SLIT3: variants seen among roughly 807,000 people sequenced by gnomAD.
SLIT3 encodes the protein slit homolog 3 protein.
Under a neutral mutation model 184.0 loss-of-function variants are expected in SLIT3, and 68 were observed. The ratio of observed to expected loss-of-function variants is 0.37; its 90% CI spans 0.30 to 0.45. The LOEUF (loss-of-function observed/expected upper bound fraction) is 0.45, where lower values mean the gene tolerates loss of function less well. SLIT3 is among the 20% of genes least tolerant of loss of function. The pLI, the probability that SLIT3 is intolerant of heterozygous loss-of-function variation, is 1.00. For missense variants in SLIT3, 1,707 were observed against 2,026.0 expected, an observed-to-expected ratio of 0.84 and a Z score of 3.02; for synonymous variants, 831 against 828.6, an observed-to-expected ratio of 1.00 and a Z score of -0.05.
intron 1 of SLIT3, among the ~76,000 whole-genome samples, chr5:169,290,215 A>G (rs1274328776): frequency 6.6e-6 from 1 of 151,376 alleles, no homozygotes; most frequent in Admixed American, 6.6e-5. Context: ...GCTAGGGCAC[A>G]CGCTAGGGTG....
intron 20 of SLIT3, among the ~76,000 whole-genome samples, chr5:168,735,727 T>C (rs1482060973): frequency 6.7e-6 from 1 of 149,676 alleles, no homozygotes; most frequent in African/African-American, 2.5e-5. Flanking sequence ...ATAATACACA[T>C]AGCTTATTGA....
chr5:168,687,202 C>T, intron 29 of SLIT3, 86 bp from the exon 30 acceptor site: 1 of 1,453,392 alleles, frequency 6.9e-7, no homozygotes, highest in Non-Finnish European at 9.5e-7. Flanking sequence ...AGCAGGTGGC[C>T]TCTCCCCATC....
At chr5:169,247,598 A>T (rs1368177218) in intron 2 of SLIT3, among the ~76,000 whole-genome samples, 4 of 152,200 alleles carry the variant, frequency 2.6e-5, no homozygotes, top group African/African-American at 7.2e-5. Flanking sequence ...GGATATCTAT[A>T]TGAGATACAC....
chr5:168,749,980 C>A (rs771688012), intron 18 of SLIT3, among the ~76,000 whole-genome samples: 8 of 152,168 alleles, frequency 5.3e-5, no homozygotes, highest in Non-Finnish European at 8.8e-5. Context: ...TCTTCTCATT[C>A]TTTAGTCCTT....
chr5:168,678,934 G>C (rs2113204398), intron 32 of SLIT3, among the ~76,000 whole-genome samples: 1 of 152,346 alleles, frequency 6.6e-6, no homozygotes, highest in African/African-American at 2.4e-5. Flanking sequence ...TACTGGGCCA[G>C]ACTGAACTGG....
At chr5:169,113,301 C>T (rs1456123701) in intron 4 of SLIT3, among the ~76,000 whole-genome samples, 1 of 152,184 alleles carries the variant, frequency 6.6e-6, no homozygotes, top group African/African-American at 2.4e-5. Flanking sequence ...AGGTACCTCA[C>T]ATAAACGGAA....
rs565334364 is a variant in SLIT3, at chr5:168,823,970, C to T, written c.558-639G>A. ...CACATCTAATCTTTTTATTTTGAGA[C>T]GGGGTTTCGCTCTTGTCACCCAGGC... On this transcript the variant is annotated intron_variant, in intron 6 of 35. Transcript: ENST00000519560. Among the ~76,000 whole-genome samples, 42 of 152,220 alleles carry T rather than the reference C, an allele frequency of 2.8e-4. No individual in the cohort carries two copies. The South Asian group carries it at 3.1e-3, about 11-fold the overall frequency.
intron 4 of SLIT3, among the ~76,000 whole-genome samples, chr5:169,092,241 G>A (rs1044936004): frequency 2.6e-5 from 4 of 152,144 alleles, no homozygotes; most frequent in Admixed American, 6.5e-5. Flanking sequence ...AGACTCAGAG[G>A]TAGGCAGGGT....
At chr5:168,703,215 CT>C (rs1323149870) in intron 26 of SLIT3, among the ~76,000 whole-genome samples, 1 of 150,918 alleles carries the variant, frequency 6.6e-6, no homozygotes, top group Non-Finnish European at 1.5e-5. Context: ...CTTTCTACCC[CT>C]CATCCCACTT....
intron 5 of SLIT3, among the ~76,000 whole-genome samples, chr5:168,872,640 C>CTTCTTTTTTTTTTTTT (rs1554151402): frequency 8.9e-6 from 1 of 112,432 alleles, no homozygotes; most frequent in Non-Finnish European, 1.8e-5. Flanking sequence ...TCTTCTTCTT[C>CTTCTTTTTTTTTTTTT]TTTTTTTTTT....
chr5:168,940,266 A>G (rs7703441), intron 4 of SLIT3, among the ~76,000 whole-genome samples: 16,596 of 152,124 alleles, frequency 0.11, 1,845 homozygotes, highest in African/African-American at 0.29. Context: ...TGAAACGATG[A>G]ATTGTTTCTG....
chr5:168,852,185 C>T (rs778310540), intron 5 of SLIT3, among the ~76,000 whole-genome samples: 2 of 152,170 alleles, frequency 1.3e-5, no homozygotes, highest in South Asian at 2.1e-4. Context: ...GGTTCCTCCC[C>T]GGCAGAGGCG....
chr5:169,265,386 T>C (rs1934824323), intron 1 of SLIT3, among the ~76,000 whole-genome samples: 1 of 152,198 alleles, frequency 6.6e-6, no homozygotes. Context: ...CAAATAACAA[T>C]GGATTTTAGT....
chr5:169,161,179 T>C (rs1391452738), intron 4 of SLIT3, among the ~76,000 whole-genome samples: 2 of 152,224 alleles, frequency 1.3e-5, no homozygotes, highest in African/African-American at 4.8e-5. Flanking sequence ...GCATACCATT[T>C]GGCATCCCAG....
At chr5:168,685,115 A>G (rs201461702) in intron 31 of SLIT3, among the ~76,000 whole-genome samples, 4 of 151,992 alleles carry the variant, frequency 2.6e-5, no homozygotes, top group Admixed American at 2.6e-4. Flanking sequence ...ACGCCCTGCT[A>G]ATTTTTTATT....
At chr5:169,071,673 G>A (rs1047838408) in intron 4 of SLIT3, among the ~76,000 whole-genome samples, 3 of 152,112 alleles carry the variant, frequency 2.0e-5, no homozygotes, top group South Asian at 2.1e-4. Context: ...AATCTTTACT[G>A]TGTGCAAGTG....
intron 4 of SLIT3, among the ~76,000 whole-genome samples, chr5:169,028,241 T>TG (rs1554091543): frequency 1.5e-5 from 2 of 132,520 alleles, no homozygotes; most frequent in African/African-American, 3.2e-5. Flanking sequence ...TTATTAGTGA[T>TG]GGGAAAAAAA....
At chr5:169,074,138 C>A (rs1442085028) in intron 4 of SLIT3, among the ~76,000 whole-genome samples, 1 of 152,102 alleles carries the variant, frequency 6.6e-6, no homozygotes, top group African/African-American at 2.4e-5. Context: ...TTTCAGAGCC[C>A]CAGGTGGATG....
chr5:168,783,915 G>T (rs997076799), intron 12 of SLIT3, among the ~76,000 whole-genome samples: 1 of 152,158 alleles, frequency 6.6e-6, no homozygotes, highest in African/African-American at 2.4e-5. Context: ...TGCTCAAAAT[G>T]GTGACAGTAA....
Sources: gnomAD v4.1 joint callset for allele counts (sites outside exome capture counted in the v4.1 genomes callset) on GRCh38, gnomAD v4.1.1 for gene constraint, MANE v1.5 for transcripts, NCBI Gene and HGNC (gene_info 2026-07-23, HGNC 2026-07-21) for gene names.